The following CEP85L variants were observed in gnomAD, a reference collection of about 807,000 sequenced individuals.
The protein encoded by CEP85L is centrosomal protein of 85 kDa-like.
CEP85L carries 60 observed loss-of-function variants against 100.3 expected under a neutral mutation model. The observed-to-expected ratio is 0.60, with a 90% CI of 0.49 to 0.74. The LOEUF is 0.74. CEP85L is among the 30% of genes least tolerant of loss of function. CEP85L has a pLI of 0.00. For synonymous variants in CEP85L, 319 were observed against 322.7 expected (o/e 0.99, Z 0.12); for missense variants, 973 against 936.2 (o/e 1.04, Z -0.51).
intron 2 of CEP85L, among the ~76,000 whole-genome samples, chr6:118,594,555 A>C (rs971694052): frequency 6.6e-6 from 1 of 152,202 alleles, no homozygotes; most frequent in Middle Eastern, 3.2e-3. Context: ...AAATCAGCCC[A>C]AAACAGACAT....
chr6:118,546,205 T>C (rs1037663408), intron 3 of CEP85L, among the ~76,000 whole-genome samples: 3 of 152,104 alleles, frequency 2.0e-5, no homozygotes, highest in Admixed American at 1.3e-4. Context: ...AGGAACAAGG[T>C]AAACACAAAA....
At chr6:118,619,051 G>A (rs73528768) in intron 2 of CEP85L, among the ~76,000 whole-genome samples, 1,936 of 151,614 alleles carry the variant, frequency 0.013, 52 homozygotes, top group African/African-American at 0.045. Flanking sequence ...GCTCAAGGAC[G>A]ATCATGCGCT....
chr6:118,468,373 C>T (rs1449432757), intron 12 of CEP85L, among the ~76,000 whole-genome samples: 2 of 152,154 alleles, frequency 1.3e-5, no homozygotes, highest in Non-Finnish European at 2.9e-5. Flanking sequence ...TTACTGCATT[C>T]CTATTTCCTT....
At chr6:118,476,568 T>C (rs1056279767) in intron 10 of CEP85L, among the ~76,000 whole-genome samples, 5 of 152,202 alleles carry the variant, frequency 3.3e-5, no homozygotes, top group African/African-American at 9.7e-5. Context: ...AGATATTCCA[T>C]TGACTTATGA....
At chr6:118,544,062 T>C (rs1778058638) in intron 3 of CEP85L, among the ~76,000 whole-genome samples, 1 of 152,194 alleles carries the variant, frequency 6.6e-6, no homozygotes, top group Non-Finnish European at 1.5e-5. Flanking sequence ...TCAAAATCAG[T>C]GATAGTGCCA....
In CEP85L at chr6:118,647,208, T is replaced by C. The variant is rs950334869; in HGVS notation, c.73+3989A>G. 15 of 239,166 alleles carry C rather than the reference T, an allele frequency of 6.3e-5. No homozygotes were observed. The Admixed American group carries it at 9.1e-4, about 15-fold the overall frequency. 14.8% of individuals were successfully genotyped at this position (239,166 alleles called of 1,614,324 possible). ...CATTATGACATCACTAAACACCTTATGGCAAGCATCAATTAAGAGGTAAAT... is the reference window on the plus strand; with the variant it reads ...CATTATGACATCACTAAACACCTTACGGCAAGCATCAATTAAGAGGTAAAT... On this transcript the variant is annotated intron_variant, in intron 1 of 12. Coordinates refer to ENST00000368491, the MANE Select transcript of CEP85L (RefSeq NM_001042475.3).
At chr6:118,607,387 G>A (rs1032894066) in intron 2 of CEP85L, among the ~76,000 whole-genome samples, 4 of 152,102 alleles carry the variant, frequency 2.6e-5, no homozygotes, top group Admixed American at 2.0e-4. Flanking sequence ...AAGTTCAGGC[G>A]GCTGTTTCTC....
chr6:118,597,109 T>G (rs1344333742), intron 2 of CEP85L, among the ~76,000 whole-genome samples: 2 of 152,212 alleles, frequency 1.3e-5, no homozygotes, highest in Non-Finnish European at 2.9e-5. Flanking sequence ...AAGAGGTGCT[T>G]TCCCCCATGA....
chr6:118,536,771 C>T (rs529653739), intron 3 of CEP85L, among the ~76,000 whole-genome samples: 21 of 152,258 alleles, frequency 1.4e-4, no homozygotes, highest in Admixed American at 4.6e-4. Context: ...GGTTCTTAGG[C>T]GCTGTCAGAA....
chr6:118,493,600 A>C (rs1023591501), intron 5 of CEP85L, among the ~76,000 whole-genome samples: 1 of 152,218 alleles, frequency 6.6e-6, no homozygotes, highest in African/African-American at 2.4e-5. Context: ...AGAATGAAGA[A>C]ACTGGAAGCA....
At chr6:118,631,552 A>G (rs1277191271) in intron 2 of CEP85L, among the ~76,000 whole-genome samples, 1 of 152,250 alleles carries the variant, frequency 6.6e-6, no homozygotes, top group African/African-American at 2.4e-5. Flanking sequence ...ATAATAGTCA[A>G]AAACTGAAAA....
chr6:118,463,375 G>A lies in CEP85L; in HGVS notation c.*2030C>T, dbSNP rs1415660339. 1 of 151,866 alleles carries A rather than the reference G, an allele frequency of 6.6e-6. No individual in the cohort carries two copies. The highest frequency in any genetic ancestry group is 1.5e-5 in the Non-Finnish European group (1 of 67,894). The allele number at this position is 151,866 out of a possible 1,614,324, so 9.4% of individuals were successfully genotyped here. A position where few individuals can be genotyped will look rare whatever the true frequency, so the allele number is the denominator to read the frequency against. ...TTGCCAATTTGTTCTATTATTTTAG[G>A]AAGCCTTTATTTCTAAAATCATGGG... On this transcript the variant is annotated 3_prime_UTR_variant, in exon 13 of 13. Transcript: ENST00000368491.
chr6:118,568,090 T>C (rs1470018162), intron 2 of CEP85L, among the ~76,000 whole-genome samples: 2 of 152,174 alleles, frequency 1.3e-5, no homozygotes, highest in Non-Finnish European at 2.9e-5. Flanking sequence ...CATGATAAAA[T>C]GGACTCGGTG....
intron 2 of CEP85L, among the ~76,000 whole-genome samples, chr6:118,613,409 A>G (rs1032019025): frequency 1.3e-5 from 2 of 152,212 alleles, no homozygotes; most frequent in Non-Finnish European, 2.9e-5. Flanking sequence ...GAATTACTTT[A>G]TAACTATTAA....
chr6:118,495,080 T>C (rs1235404419), intron 5 of CEP85L, among the ~76,000 whole-genome samples: 1 of 151,566 alleles, frequency 6.6e-6, no homozygotes, highest in African/African-American at 2.4e-5. Context: ...AAACAATTCC[T>C]GAACTTGGGA....
chr6:118,486,153 C>G (rs1774166039), intron 6 of CEP85L, among the ~76,000 whole-genome samples: 1 of 152,116 alleles, frequency 6.6e-6, no homozygotes, highest in Admixed American at 6.6e-5. Context: ...TCAGCCTGCT[C>G]ACAGATGACA....
Position 118,511,292 on chromosome 6 carries a change from T to C in CEP85L, c.1257+6A>G, listed in dbSNP as rs1251056520. 6.3e-7 allele frequency: 1 copy of C among 1,576,766 alleles called. No homozygotes were observed. The highest frequency in any genetic ancestry group is 8.7e-7 in the Non-Finnish European group (1 of 1,146,802). On this transcript the variant is annotated splice_donor_region_variant and intron_variant, in intron 5 of 12. Transcript: ENST00000368491. ...AAAACAGCTACAAAATCCTCTGTAA[T>C]CTTACCTGCAAACTAGCCACATAAG...
chr6:118,603,108 C>T (rs999669295), intron 2 of CEP85L, among the ~76,000 whole-genome samples: 5 of 152,146 alleles, frequency 3.3e-5, no homozygotes, highest in African/African-American at 4.8e-5. Flanking sequence ...GTGTGAGCCA[C>T]CACGCCAGGC....
intron 1 of CEP85L, among the ~76,000 whole-genome samples, chr6:118,647,303 C>T (rs758919728): frequency 2.6e-5 from 4 of 152,184 alleles, no homozygotes; most frequent in South Asian, 4.1e-4. Context: ...TTTATTTTCG[C>T]ACACTATAAA....
Sources: allele counts gnomAD v4.1 joint callset (sites outside exome capture counted in the v4.1 genomes callset), GRCh38; gene constraint gnomAD v4.1.1; transcripts MANE v1.5; gene names NCBI Gene and HGNC (gene_info 2026-07-23, HGNC 2026-07-21).